The following EPS8L3 variants were observed in gnomAD, a reference collection of about 807,000 sequenced individuals.
EPS8L3 encodes the protein EPS8 signaling adaptor L3.
In EPS8L3, 80 loss-of-function variants were observed where a neutral mutation model predicts 88.5. The observed-to-expected ratio is 0.90, with a 90% CI of 0.75 to 1.09. The LOEUF (loss-of-function observed/expected upper bound fraction) is 1.09, where lower values mean the gene tolerates loss of function less well. Ranked by LOEUF, EPS8L3 falls within the 50% of genes least tolerant of loss-of-function variation. The pLI, the probability that EPS8L3 is intolerant of heterozygous loss-of-function variation, is 0.00. For missense variants in EPS8L3, 721 were observed against 735.2 expected, an observed-to-expected ratio of 0.98 and a Z score of 0.22; for synonymous variants, 286 against 291.0, an observed-to-expected ratio of 0.98 and a Z score of 0.18.
chr1:109,757,876 G>T lies in EPS8L3; in HGVS notation c.833-13C>A, dbSNP rs758729050. On this transcript the variant is annotated splice_polypyrimidine_tract_variant and intron_variant, in intron 9 of 18. Transcript: ENST00000361965. Reference sequence around the variant, plus strand: ...GCCTGGGTGAGACCTGGGAGAAGGGGCCAAGACGGTGGGCCAGAGATCACC... The same window carrying T: ...GCCTGGGTGAGACCTGGGAGAAGGGTCCAAGACGGTGGGCCAGAGATCACC... 2.5e-6 allele frequency: 4 copies of T among 1,614,062 alleles called. No homozygotes were observed. The South Asian group carries it at 4.4e-5, about 18-fold the overall frequency.
chr1:109,757,878 C>T lies in EPS8L3; in HGVS notation c.833-15G>A, dbSNP rs1225453391. On this transcript the variant is annotated splice_polypyrimidine_tract_variant and intron_variant, in intron 9 of 18. Coordinates refer to ENST00000361965, the MANE Select transcript of EPS8L3 (RefSeq NM_133181.4). ...CTGGGTGAGACCTGGGAGAAGGGGC[C>T]AAGACGGTGGGCCAGAGATCACCCT... 1 of 1,613,952 alleles carries T rather than the reference C, an allele frequency of 6.2e-7. No homozygotes were observed. Among genetic ancestry groups the T allele is most frequent in the Admixed American group, 1.7e-5 (1 of 60,002 alleles).
In EPS8L3 at chr1:109,758,058, C is replaced by T. The variant is rs372362835; in HGVS notation, c.718G>A (p.Glu240Lys). 32 of 1,613,608 alleles carry T rather than the reference C, an allele frequency of 2.0e-5. 1 individual carries two copies. In the South Asian group the frequency reaches 2.1e-4, roughly 11 times the overall value. ...SSPEDPERDE[E>K]VLNHVLRDIE... ...TCCCTTAGGACATGGTTCAGCACTT[C>T]CTGGGCCCCAAACAACCCATGGCCT... The change falls in exon 9 of 19, where the codon GAA becomes AAA. Residue 240 changes from glutamate (E) to lysine (K), a missense_variant and splice_region_variant. Coordinates refer to ENST00000361965, the MANE Select transcript of EPS8L3 (RefSeq NM_133181.4).
At chr1:109,752,614 C>T in intron 14 of EPS8L3, 72 bp downstream of exon 14, 5 of 1,394,006 alleles carry the variant, frequency 3.6e-6, no homozygotes, top group Non-Finnish European at 4.0e-6. Flanking sequence ...TGTAGAGAGC[C>T]AGAGATCCAA....
intron 12 of EPS8L3, 127 bp from the exon 13 acceptor site, chr1:109,753,325 T>C: frequency 7.1e-6 from 5 of 703,572 alleles, no homozygotes; most frequent in Non-Finnish European, 1.2e-5. Context: ...GGTGACATGG[T>C]CCATGTGCAC....
At chr1:109,752,878 C>T (rs1484500729) in intron 13 of EPS8L3, among the ~76,000 whole-genome samples, 158 bp from the exon 14 acceptor site, 1 of 152,060 alleles carries the variant, frequency 6.6e-6, no homozygotes, top group Non-Finnish European at 1.5e-5. Flanking sequence ...TACCCACATG[C>T]ACCCACCCAC....
At chr1:109,755,114 A>C (rs2101445151) in intron 12 of EPS8L3, among the ~76,000 whole-genome samples, 1 of 152,382 alleles carries the variant, frequency 6.6e-6, no homozygotes, top group Middle Eastern at 3.4e-3. Flanking sequence ...ACATTATTTT[A>C]AGTGAACAAG....
At chr1:109,755,510 A>G (rs1476241088) in intron 12 of EPS8L3, among the ~76,000 whole-genome samples, 1 of 152,236 alleles carries the variant, frequency 6.6e-6, no homozygotes, top group African/African-American at 2.4e-5. Context: ...CTGAATTGAA[A>G]AGAACTGGTC....
At chr1:109,757,251 C>T (rs1650373986) in intron 11 of EPS8L3, 86 bp from the exon 12 acceptor site, 1 of 1,439,136 alleles carries the variant, frequency 6.9e-7, no homozygotes, top group Non-Finnish European at 9.3e-7. Context: ...CCTGGCTTCC[C>T]ACTTTTGCAA....
intron 16 of EPS8L3, 87 bp from the exon 17 acceptor site, chr1:109,751,438 C>A: frequency 7.0e-7 from 1 of 1,430,112 alleles, no homozygotes; most frequent in Non-Finnish European, 9.7e-7. Flanking sequence ...TCTCCAGGTT[C>A]CCATCAAATC....
In EPS8L3 at chr1:109,752,793, G is replaced by A. The variant is rs1049291579; in HGVS notation, c.1201-73C>T. ...ATGGTGGGAGGGAGCTGGGGTATCC[G>A]ACCACAGGCATAAGCAGCTCACACA... is the stretch of plus-strand genomic sequence containing the variant. On this transcript the variant is annotated intron_variant, in intron 13 of 18. Transcript: ENST00000361965. The A allele has an allele frequency of 1.4e-5, 19 of 1,348,476 alleles. No homozygotes were observed. In the Admixed American group the frequency reaches 2.2e-4, roughly 15 times the overall value. 83.5% of individuals were successfully genotyped at this position (1,348,476 alleles called of 1,614,324 possible). A position where few individuals can be genotyped will look rare whatever the true frequency, so the allele number is the denominator to read the frequency against.
chr1:109,751,133 G>C, intron 17 of EPS8L3, 145 bp downstream of exon 17: 1 of 731,620 alleles, frequency 1.4e-6, no homozygotes, highest in Non-Finnish European at 2.3e-6. Flanking sequence ...ACACGCCTCT[G>C]CTCTGTCCTC....
At position 109,751,653 on chromosome 1, in the gene EPS8L3, C is replaced by A. The variant is rs373157603; in HGVS notation, c.1563+1G>T. 6.2e-7 allele frequency: 1 copy of A among 1,613,884 alleles called. No individual in the cohort carries two copies. The highest frequency in any genetic ancestry group is 8.5e-7 in the Non-Finnish European group (1 of 1,180,008). On this transcript the variant is annotated splice_donor_variant, in intron 16 of 18. Coordinates refer to ENST00000361965, the MANE Select transcript of EPS8L3 (RefSeq NM_133181.4). LOFTEE classifies it high-confidence loss of function. ...TCTGGATAGTCCAGGCTGGGTAGTA[C>A]CCGAGAGGGTGACTGGCCCTGGGTC...
At chr1:109,754,064 A>C (rs1042475527) in intron 12 of EPS8L3, among the ~76,000 whole-genome samples, 15 of 152,134 alleles carry the variant, frequency 9.9e-5, no homozygotes, top group Non-Finnish European at 1.9e-4. Flanking sequence ...AATTTTCTTA[A>C]TTGTTTCCTT....
Position 109,753,333 on chromosome 1 carries a change from C to G in EPS8L3, c.1119-135G>C. The G allele has an allele frequency of 8.9e-6, 6 of 671,290 alleles. No homozygotes were observed. The South Asian group carries it at 1.2e-4, about 13-fold the overall frequency. The allele number at this position is 671,290 out of a possible 1,614,324, so 41.6% of individuals were successfully genotyped here. A position where few individuals can be genotyped will look rare whatever the true frequency, so the allele number is the denominator to read the frequency against. ...GCTAATAGGTGACATGGTCCATGTG[C>G]ACAGATGAAAGGCCCCAGGACACCC... On this transcript the variant is annotated intron_variant, in intron 12 of 18. Transcript: ENST00000361965.
rs1209457898 is a variant in EPS8L3, at chr1:109,758,113, TC to T, written c.718-56del. ...CGGGCAGTTGGGCCCACCCTGGAAC[TC>T]CCCACACTGCCCCCCGCACCCCTCC... On this transcript the variant is annotated intron_variant, in intron 8 of 18. Transcript: ENST00000361965. 4.0e-6 allele frequency: 6 copies of T among 1,501,208 alleles called. No individual in the cohort carries two copies. In the East Asian group the frequency reaches 1.1e-4, roughly 28 times the overall value. The allele number at this position is 1,501,208 out of a possible 1,614,324, so 93.0% of individuals were successfully genotyped here. A position where few individuals can be genotyped will look rare whatever the true frequency, so the allele number is the denominator to read the frequency against.
chr1:109,750,757 T>A lies in EPS8L3; in HGVS notation c.1673A>T (p.Gln558Leu), dbSNP rs1460465756. ...CTCCCCAGGTCTTATGCGAAGTAGC[T>A]GGCTCCCCGTCAGGGACCCAAGTGT... ...VRTLGSLTGS[Q>L]LLRIRPGELQ... is the part of the protein sequence containing the mutation. Residue 558 changes from glutamine to leucine, a missense_variant, in exon 18 of 19, where the codon CAG becomes CTG. By Grantham distance (113) the Gln-to-Leu change is moderately radical (BLOSUM62 -2). Transcript: ENST00000361965. 3.1e-6 allele frequency: 5 copies of A among 1,614,204 alleles called. 1 individual carries two copies. The South Asian group carries it at 4.4e-5, about 14-fold the overall frequency.
Position 109,758,063 on chromosome 1 carries a change from G to T in EPS8L3, c.718-5C>A, listed in dbSNP as rs540472355. ...TAGGACATGGTTCAGCACTTCCTGGGCCCCAAACAACCCATGGCCTTGAAC... is the reference window on the plus strand; with the variant it reads ...TAGGACATGGTTCAGCACTTCCTGGTCCCCAAACAACCCATGGCCTTGAAC... On this transcript the variant is annotated splice_polypyrimidine_tract_variant and splice_region_variant and intron_variant, in intron 8 of 18. Coordinates refer to ENST00000361965, the MANE Select transcript of EPS8L3 (RefSeq NM_133181.4). 2 of 1,612,756 alleles carry T rather than the reference G, an allele frequency of 1.2e-6. No homozygotes were observed. Among genetic ancestry groups the T allele is most frequent in the Non-Finnish European group, 1.7e-6 (2 of 1,179,330 alleles).
At chr1:109,755,035 C>A (rs1040477225) in intron 12 of EPS8L3, among the ~76,000 whole-genome samples, 1 of 152,200 alleles carries the variant, frequency 6.6e-6, no homozygotes, top group Admixed American at 6.5e-5. Context: ...ATGTGTCATA[C>A]CCATAACAAT....
At chr1:109,763,153 G>A (rs1394214927) in intron 1 of EPS8L3, among the ~76,000 whole-genome samples, 1 of 152,216 alleles carries the variant, frequency 6.6e-6, no homozygotes, top group Admixed American at 6.5e-5. Context: ...AGTGTGGAAG[G>A]AAATAAACTG....
Sources: allele counts gnomAD v4.1 joint callset (sites outside exome capture counted in the v4.1 genomes callset), GRCh38; gene constraint gnomAD v4.1.1; transcripts MANE v1.5; gene names NCBI Gene and HGNC (gene_info 2026-07-23, HGNC 2026-07-21).